The following SLC38A7 variants were observed in gnomAD, a reference collection of about 807,000 sequenced individuals.
SLC38A7 encodes solute carrier family 38 member 7.
Under a neutral mutation model 50.1 loss-of-function variants are expected in SLC38A7, and 29 were observed. The observed-to-expected ratio is 0.58, with a 90% CI of 0.43 to 0.79. SLC38A7 has a LOEUF of 0.79. Among genes scored for constraint, SLC38A7 ranks in the 30% least tolerant of loss-of-function variants. SLC38A7 has a pLI of 0.00. For missense variants in SLC38A7, 483 were observed against 610.6 expected, an observed-to-expected ratio of 0.79 and a Z score of 2.20; for synonymous variants, 244 against 245.9, an observed-to-expected ratio of 0.99 and a Z score of 0.07.
Position 58,680,128 on chromosome 16 carries a change from GC to G in SLC38A7, c.-3del. The G allele has an allele frequency of 6.6e-7, 1 of 1,515,930 alleles. No homozygotes were observed. The allele number at this position is 1,515,930 out of a possible 1,614,324, so 93.9% of individuals were successfully genotyped here. ...ATTGTTGATGCTGACCTGGGCCATG[GC>G]CCCGAGAGCCTTCTTCCTGCAAGGT... On this transcript the variant is annotated 5_prime_UTR_variant, in exon 3 of 12. Transcript: ENST00000219320.
chr16:58,677,212 G>A (rs2044286617), intron 6 of SLC38A7, 114 bp downstream of exon 6: 1 of 819,618 alleles, frequency 1.2e-6, no homozygotes, highest in Non-Finnish European at 2.1e-6. Context: ...CAGCCCTGAT[G>A]AGCTCATGAG....
intron 5 of SLC38A7, 152 bp from the exon 6 acceptor site, chr16:58,677,576 G>A (rs1597675434): frequency 1.5e-6 from 1 of 656,722 alleles, no homozygotes; most frequent in Middle Eastern, 3.9e-4. Context: ...CGCCTGAGAA[G>A]TAGTTTCAGA....
chr16:58,675,812 G>T (rs765498103), intron 8 of SLC38A7, 128 bp downstream of exon 8: 25 of 701,866 alleles, frequency 3.6e-5, no homozygotes, highest in Non-Finnish European at 5.0e-5. Flanking sequence ...CCAAGTTCAA[G>T]CCAATGCCTA....
Position 58,678,821 on chromosome 16 carries a change from T to A in SLC38A7, c.344A>T (p.Tyr115Phe). 2 of 1,614,218 alleles carry A rather than the reference T, an allele frequency of 1.2e-6. No homozygotes were observed. Among genetic ancestry groups the A allele is most frequent in the Non-Finnish European group, 1.7e-6 (2 of 1,180,040 alleles). Residue 115 changes from tyrosine (Y) to phenylalanine (F), a missense_variant, in exon 4 of 12, where the codon TAC becomes TTC. Transcript: ENST00000219320. The surrounding 1 kb of genome is among the most constrained non-coding windows in gnomAD (Gnocchi z 4.0). ...YCSQASNERT[Y>F]QEVVWAVCGK... ...ACACACAGCCCATACCACCTCCTGG[T>A]AGGTCCTCTCATTGCTGGCCTGGGA...
intron 10 of SLC38A7, 90 bp from the exon 11 acceptor site, chr16:58,670,257 T>C: frequency 2.4e-6 from 3 of 1,259,618 alleles, no homozygotes; most frequent in African/African-American, 3.0e-5. Context: ...CAGTGCTGGA[T>C]GGAGAAAGGC....
In SLC38A7 at chr16:58,679,884, GC is replaced by G; in HGVS notation, c.242del (p.Gly81AlafsTer46). On this transcript the variant is annotated frameshift_variant, in exon 3 of 12. Transcript: ENST00000219320. LOFTEE classifies it high-confidence loss of function. Reference sequence around the variant, plus strand: ...TCTGCAGTGCGATGCCTGCTGCCACGCCCCCCGCAGTGCTGAAGGCTGCTGG... The same window carrying G: ...TCTGCAGTGCGATGCCTGCTGCCACGCCCCCGCAGTGCTGAAGGCTGCTGG... The part of the protein sequence containing the change: ...NFPAAFSTAG[G>X]VAAGIALQMG... The G allele has an allele frequency of 6.2e-7, 1 of 1,613,692 alleles. No homozygotes were observed. Among genetic ancestry groups the G allele is most frequent in the Non-Finnish European group, 8.5e-7 (1 of 1,179,886 alleles).
chr16:58,683,613 T>C (rs2044436449), intron 2 of SLC38A7: 1 of 152,266 alleles, frequency 6.6e-6, no homozygotes, highest in Non-Finnish European at 1.5e-5. Flanking sequence ...CCAGTGTAGC[T>C]AGAGAAAGAA....
At chr16:58,677,656 G>A in intron 5 of SLC38A7, 1 of 527,238 alleles carries the variant, frequency 1.9e-6, no homozygotes, top group Middle Eastern at 5.3e-4. Flanking sequence ...TGGCCATCAG[G>A]AAGTGCTGGT....
intron 8 of SLC38A7, among the ~76,000 whole-genome samples, chr16:58,675,737 T>G (rs1277468472): frequency 6.6e-6 from 1 of 152,072 alleles, no homozygotes; most frequent in East Asian, 1.9e-4. Context: ...GGCACCAAGT[T>G]AGAACTGGTG....
chr16:58,681,202 A>G (rs1454598470), intron 2 of SLC38A7, among the ~76,000 whole-genome samples: 1 of 152,178 alleles, frequency 6.6e-6, no homozygotes, highest in African/African-American at 2.4e-5. Flanking sequence ...CCATTTTACC[A>G]AAGAGGAAGC....
In SLC38A7 at chr16:58,680,223, G is replaced by T; in HGVS notation, c.-97C>A. On this transcript the variant is annotated 5_prime_UTR_variant, in exon 3 of 12. Coordinates refer to ENST00000219320, the MANE Select transcript of SLC38A7 (RefSeq NM_018231.3). ...AACACCCACCTGTTTGGGGCTGTTA[G>T]CTTAGGACTCTTCTCAACCTAGATG... 1 of 1,372,360 alleles carries T rather than the reference G, an allele frequency of 7.3e-7. No homozygotes were observed. The highest frequency in any genetic ancestry group is 9.6e-7 in the Non-Finnish European group (1 of 1,044,788). 85.0% of individuals were successfully genotyped at this position (1,372,360 alleles called of 1,614,324 possible). A position where few individuals can be genotyped will look rare whatever the true frequency, so the allele number is the denominator to read the frequency against.
intron 9 of SLC38A7, chr16:58,671,839 G>T: frequency 5.6e-6 from 2 of 359,788 alleles, no homozygotes; most frequent in Non-Finnish European, 5.0e-6. Context: ...AAAGTGCTGG[G>T]TTTAGAGACG....
At chr16:58,683,434 AAGGGACATGGCACCAG>A (rs1200377523) in intron 2 of SLC38A7, among the ~76,000 whole-genome samples, 1 of 152,218 alleles carries the variant, frequency 6.6e-6, no homozygotes, top group Non-Finnish European at 1.5e-5. Flanking sequence ...GCATGGAACC[AAGGGACATGGCACCAG>A]AGGAAACATT....
chr16:58,679,580 A>C, intron 3 of SLC38A7: 34 of 525,190 alleles, frequency 6.5e-5, no homozygotes, highest in Non-Finnish European at 4.4e-5. Context: ...TCTAAAAGAT[A>C]AGGGCCCTCT....
At chr16:58,668,792 T>C (rs2044098626) in intron 11 of SLC38A7, among the ~76,000 whole-genome samples, 1 of 150,936 alleles carries the variant, frequency 6.6e-6, no homozygotes, top group African/African-American at 2.4e-5. Context: ...TTTCTTTTTT[T>C]GAGACAGAGT....
intron 9 of SLC38A7, 156 bp downstream of exon 9, chr16:58,671,940 G>A (rs781348851): frequency 1.4e-5 from 12 of 841,472 alleles, no homozygotes; most frequent in Non-Finnish European, 1.8e-5. Context: ...TCTGACACCT[G>A]GCCTGGGATA....
chr16:58,667,564 A>G, intron 11 of SLC38A7, 77 bp from the exon 12 acceptor site: 1 of 1,075,006 alleles, frequency 9.3e-7, no homozygotes, highest in Non-Finnish European at 1.3e-6. Context: ...TATAACTGTT[A>G]ATTACTGTAA....
intron 8 of SLC38A7, among the ~76,000 whole-genome samples, chr16:58,673,507 C>G (rs1047347960): frequency 4.6e-5 from 7 of 151,918 alleles, no homozygotes; most frequent in Admixed American, 3.9e-4. Flanking sequence ...GGATTACAGG[C>G]GTGAGCCACC....
chr16:58,669,025 C>T (rs182624511), intron 11 of SLC38A7, among the ~76,000 whole-genome samples: 33 of 151,202 alleles, frequency 2.2e-4, no homozygotes, highest in African/African-American at 7.7e-4. Flanking sequence ...CTGTCTTGGC[C>T]TCCCAAAGTG....
Sources: allele counts gnomAD v4.1 joint callset (sites outside exome capture counted in the v4.1 genomes callset), GRCh38; gene constraint gnomAD v4.1.1; non-coding constraint Gnocchi (gnomAD v3.1); transcripts MANE v1.5; gene names NCBI Gene and HGNC (gene_info 2026-07-23, HGNC 2026-07-21).